The following OSBPL8 variants were observed in gnomAD, a reference collection of about 807,000 sequenced individuals.
OSBPL8 encodes oxysterol-binding protein-related protein 8.
A neutral mutation model predicts 125.5 loss-of-function variants in OSBPL8; 59 were observed. The ratio of observed to expected loss-of-function variants is 0.47; its 90% CI spans 0.38 to 0.58. The LOEUF is 0.58. OSBPL8 is among the 20% of genes least tolerant of loss of function. The pLI, the probability that OSBPL8 is intolerant of heterozygous loss-of-function variation, is 0.00. For missense variants in OSBPL8, 758 were observed against 1,047.8 expected (o/e 0.72, Z 3.82); for synonymous variants, 330 against 338.9 (o/e 0.97, Z 0.29).
At chr12:76,401,077 C>T (rs551827624) in intron 6 of OSBPL8, among the ~76,000 whole-genome samples, 1 of 152,238 alleles carries the variant, frequency 6.6e-6, no homozygotes, top group East Asian at 1.9e-4. Context: ...GCCACCACAC[C>T]TGGCCAATTT....
At chr12:76,376,347 GA>G (rs1346995573) in intron 16 of OSBPL8, among the ~76,000 whole-genome samples, 1 of 152,208 alleles carries the variant, frequency 6.6e-6, no homozygotes, top group African/African-American at 2.4e-5. Flanking sequence ...TATCTTTTGA[GA>G]GGGGAACAGA....
chr12:76,419,875 T>A (rs985793850), intron 4 of OSBPL8, among the ~76,000 whole-genome samples: 1 of 152,182 alleles, frequency 6.6e-6, no homozygotes, highest in East Asian at 1.9e-4. Context: ...CCATGGTAAG[T>A]TCCTTAAATT....
At chr12:76,361,629 T>C (rs1441095340) in intron 21 of OSBPL8, among the ~76,000 whole-genome samples, 1 of 152,182 alleles carries the variant, frequency 6.6e-6, no homozygotes, top group African/African-American at 2.4e-5. Flanking sequence ...AAATTTGATG[T>C]TCAGTTCCAC....
chr12:76,551,512 A>G (rs1225860676), intron 1 of OSBPL8, among the ~76,000 whole-genome samples: 1 of 152,246 alleles, frequency 6.6e-6, no homozygotes, highest in East Asian at 1.9e-4. Flanking sequence ...CCCTACTTTA[A>G]GAAAACTCTT....
In OSBPL8 at chr12:76,411,545, A is replaced by G. The variant is rs1000716796; in HGVS notation, c.218-911T>C. Among the ~76,000 whole-genome samples the G allele has an allele frequency of 2.6e-5, 4 of 152,162 alleles. No homozygotes were observed. In the South Asian group the frequency reaches 8.3e-4, roughly 32 times the overall value. On this transcript the variant is annotated intron_variant, in intron 4 of 23. Transcript: ENST00000261183. ...AAACACTTCTAGCACATCAAGGATA[A>G]TACCATTGATTCTGCATTTGGTTTA...
Position 76,405,427 on chromosome 12 carries a change from C to G in OSBPL8, c.289-2661G>C, listed in dbSNP as rs531906374. Among the ~76,000 whole-genome samples the G allele has an allele frequency of 9.2e-5, 14 of 152,248 alleles. No individual in the cohort carries two copies. In the East Asian group the frequency reaches 2.1e-3, roughly 23 times the overall value. On this transcript the variant is annotated intron_variant, in intron 5 of 23. Coordinates refer to ENST00000261183, the MANE Select transcript of OSBPL8 (RefSeq NM_020841.5). ...TGAGCAGTGATTGCACCACTGCACT[C>G]CAGCCCAGATGATAAAGTGAGACCT...
chr12:76,527,692 C>G (rs1014178374), intron 1 of OSBPL8, among the ~76,000 whole-genome samples: 31 of 152,160 alleles, frequency 2.0e-4, no homozygotes, highest in African/African-American at 6.0e-4. Flanking sequence ...CTTATCCATA[C>G]CAAGACAGGC....
In OSBPL8 at chr12:76,353,450, A is replaced by C. The variant is rs1375863443; in HGVS notation, c.*2439T>G. Reference sequence around the variant, plus strand: ...TCATGTAGGAAAATAAAATCTTGGTAAATGAAAAAAACTGGTCATAAGGTC... The same window carrying C: ...TCATGTAGGAAAATAAAATCTTGGTCAATGAAAAAAACTGGTCATAAGGTC... On this transcript the variant is annotated 3_prime_UTR_variant, in exon 24 of 24. Coordinates refer to ENST00000261183, the MANE Select transcript of OSBPL8 (RefSeq NM_020841.5). 1 of 151,982 alleles carries C rather than the reference A, an allele frequency of 6.6e-6. No homozygotes were observed. The highest frequency in any genetic ancestry group is 2.4e-5 in the African/African-American group (1 of 41,448). 9.4% of individuals were successfully genotyped at this position (151,982 alleles called of 1,614,324 possible). A position where few individuals can be genotyped will look rare whatever the true frequency, so the allele number is the denominator to read the frequency against.
chr12:76,386,988 G>A (rs1953340284), intron 12 of OSBPL8, among the ~76,000 whole-genome samples: 1 of 152,134 alleles, frequency 6.6e-6, no homozygotes, highest in Non-Finnish European at 1.5e-5. Context: ...TGAAAATTGT[G>A]ATTGAAAAAA....
Position 76,551,332 on chromosome 12 carries a change from AG to A in OSBPL8, c.-68+8064del, listed in dbSNP as rs373276746. On this transcript the variant is annotated intron_variant, in intron 1 of 23. Transcript: ENST00000261183. ...CTCTACTGAGAGTGACCTTGTCCCCAGGGAACATCTGGCAATATCTTGAAAC... is the reference window on the plus strand; with the variant it reads ...CTCTACTGAGAGTGACCTTGTCCCCAGGAACATCTGGCAATATCTTGAAAC... Among the ~76,000 whole-genome samples the A allele has an allele frequency of 1.9e-3, 283 of 152,322 alleles. 2 individuals are homozygous for A. Among genetic ancestry groups the A allele is most frequent in the African/African-American group, 6.4e-3 (267 of 41,572 alleles).
Position 76,392,670 on chromosome 12 carries a change from T to C in OSBPL8, c.840A>G (p.Glu280=). Residue 280 remains glutamate, a synonymous_variant, in exon 10 of 24, where the codon GAA becomes GAG. Coordinates refer to ENST00000261183, the MANE Select transcript of OSBPL8 (RefSeq NM_020841.5). ...TATCTGATGAAACGCTCAGGTCATG[T>C]TCCTTTCCTTCTCTGATCATTGTAC... ...LKRTMIREGK[E]HDLSVSSDST... 3.1e-6 allele frequency: 5 copies of C among 1,614,106 alleles called. No homozygotes were observed. Among genetic ancestry groups the C allele is most frequent in the Non-Finnish European group, 4.2e-6 (5 of 1,179,948 alleles).
At chr12:76,488,674 G>C in intron 1 of OSBPL8, among the ~76,000 whole-genome samples, 1 of 152,156 alleles carries the variant, frequency 6.6e-6, no homozygotes. Flanking sequence ...TAACTGAACT[G>C]ATAAATGTAG....
chr12:76,407,305 G>A (rs1400802100), intron 5 of OSBPL8, among the ~76,000 whole-genome samples: 1 of 152,162 alleles, frequency 6.6e-6, no homozygotes, highest in Non-Finnish European at 1.5e-5. Flanking sequence ...AGGCCAGAGT[G>A]CAGTGGCGCA....
Position 76,371,529 on chromosome 12 carries a change from T to C in OSBPL8, c.1973A>G (p.Asn658Ser). The C allele has an allele frequency of 6.2e-7, 1 of 1,611,198 alleles. No individual in the cohort carries two copies. Among genetic ancestry groups the C allele is most frequent in the East Asian group, 2.2e-5 (1 of 44,658 alleles). Residue 658 changes from asparagine to serine, a missense_variant, in exon 19 of 24, where the codon AAT (asparagine) becomes AGT (serine). By Grantham distance (46) the Asn-to-Ser change is conservative (BLOSUM62 1). This residue lies in a region of OSBPL8 where 572 missense variants were observed against 762.0 expected (regional missense o/e 0.75). Transcript: ENST00000261183. ...CCATTGCTTAATGTCAGGTGTTGGA[T>C]TCCAGAAAACCTCTGAATTATCAGT... The part of the protein sequence containing the change: ...KKTDNSEVFW[N>S]PTPDIKQWRL...
intron 1 of OSBPL8, among the ~76,000 whole-genome samples, chr12:76,531,614 G>T (rs1045531723): frequency 6.6e-6 from 1 of 152,204 alleles, no homozygotes; most frequent in Admixed American, 6.5e-5. Flanking sequence ...TTCAACATGT[G>T]TGGGTTGGGG....
chr12:76,436,600 A>G (rs1871477981), intron 4 of OSBPL8, among the ~76,000 whole-genome samples: 1 of 152,118 alleles, frequency 6.6e-6, no homozygotes, highest in Non-Finnish European at 1.5e-5. Context: ...TGGAAAAACT[A>G]TAATCTTATA....
chr12:76,456,465 A>G (rs984499462), intron 3 of OSBPL8, among the ~76,000 whole-genome samples: 1 of 152,120 alleles, frequency 6.6e-6, no homozygotes, highest in African/African-American at 2.4e-5. Context: ...AGCCTGGCCA[A>G]CACGGTGAAA....
intron 1 of OSBPL8, among the ~76,000 whole-genome samples, chr12:76,524,144 C>T (rs574201910): frequency 3.3e-5 from 5 of 152,162 alleles, no homozygotes; most frequent in Middle Eastern, 3.4e-3. Context: ...ATGTTGTTAA[C>T]AGACTGTTCT....
At chr12:76,384,079 A>G (rs576240605) in intron 15 of OSBPL8, among the ~76,000 whole-genome samples, 175 bp downstream of exon 15, 8 of 152,320 alleles carry the variant, frequency 5.3e-5, no homozygotes, top group African/African-American at 1.9e-4. Flanking sequence ...TGTGATGAAT[A>G]CATAAGCCAC....
Sources: allele counts gnomAD v4.1 joint callset (sites outside exome capture counted in the v4.1 genomes callset), GRCh38; gene constraint gnomAD v4.1.1; regional missense constraint gnomAD v4.1.1; transcripts MANE v1.5; gene names NCBI Gene and HGNC (gene_info 2026-07-23, HGNC 2026-07-21).